Variants in GCNT1 observed in about 807,000 individuals in gnomAD.
GCNT1 encodes beta-1,3-galactosyl-O-glycosyl-glycoprotein beta-1,6-N-acetylglucosaminyltransferase.
A neutral mutation model predicts 26.2 loss-of-function variants in GCNT1; 16 were observed. The ratio of observed to expected loss-of-function variants is 0.61; its 90% CI spans 0.41 to 0.93. GCNT1 has a LOEUF of 0.93. Ranked by LOEUF, GCNT1 falls within the 40% of genes least tolerant of loss-of-function variation. GCNT1 has a pLI of 0.00. For missense variants in GCNT1, 477 were observed against 526.7 expected, an observed-to-expected ratio of 0.91 and a Z score of 0.92; for synonymous variants, 183 against 190.8, an observed-to-expected ratio of 0.96 and a Z score of 0.34.
At chr9:76,455,583 T>A (rs1220709218), upstream of GCNT1, among the ~76,000 whole-genome samples, 5 of 151,606 alleles carry the variant, frequency 3.3e-5, no homozygotes, top group African/African-American at 1.2e-4. Flanking sequence ...TCCCCTTACT[T>A]TTTTTTTAAT....
rs1825189254 is a variant in GCNT1 at position 76,504,705 on chromosome 9, G to C, written c.*1037G>C. The stretch of plus-strand genomic sequence containing the variant: ...AGGCTGTCGCTTATTGAATCCACTT[G>C]TGTCCAACCTCCCAGGATTGTTTTA... On this transcript the variant is annotated 3_prime_UTR_variant, in exon 4 of 4. Coordinates refer to ENST00000376730, the MANE Select transcript of GCNT1 (RefSeq NM_001490.5). 2.4e-6 allele frequency: 1 copy of C among 413,230 alleles called. No individual in the cohort carries two copies. Among genetic ancestry groups the C allele is most frequent in the African/African-American group, 2.1e-5 (1 of 48,630 alleles). The allele number at this position is 413,230 out of a possible 1,614,324, so 25.6% of individuals were successfully genotyped here.
At chr9:76,445,089 A>T (rs1823553624) in intron 1 of GCNT1, among the ~76,000 whole-genome samples, 1 of 152,228 alleles carries the variant, frequency 6.6e-6, no homozygotes, top group Non-Finnish European at 1.5e-5. Context: ...CTAAGGAGGA[A>T]GGCGTTCAAG....
At chr9:76,399,505 T>C in the GCNT1 span, 3 of 1,591,220 alleles carry the variant, frequency 1.9e-6, no homozygotes, top group Admixed American at 1.7e-5. Flanking sequence ...ACTGGAGCGC[T>C]CAGCCTGCCA....
chr9:76,402,282 ACT>A, the GCNT1 span, among the ~76,000 whole-genome samples: 2 of 152,070 alleles, frequency 1.3e-5, no homozygotes, highest in East Asian at 1.9e-4. Flanking sequence ...TTCCTTCAAC[ACT>A]CTCAACTACA....
At chr9:76,419,825 A>G (rs1823167294), upstream of GCNT1, 1 of 152,278 alleles carries the variant, frequency 6.6e-6, no homozygotes, top group Non-Finnish European at 1.5e-5. Context: ...AGCAGCCACC[A>G]CACAGTTGCT....
At chr9:76,479,926 G>C (rs1824374413) in intron 2 of GCNT1, among the ~76,000 whole-genome samples, 1 of 152,150 alleles carries the variant, frequency 6.6e-6, no homozygotes, top group African/African-American at 2.4e-5. Flanking sequence ...TGAAGTCCTT[G>C]CCCATGCCTG....
At chr9:76,450,673 T>C (rs1391870765) in intron 1 of GCNT1, among the ~76,000 whole-genome samples, 1 of 152,232 alleles carries the variant, frequency 6.6e-6, no homozygotes. Context: ...CATCTTTTTA[T>C]GTGGATTTCT....
chr9:76,475,977 A>G (rs982528259), intron 2 of GCNT1, among the ~76,000 whole-genome samples: 2 of 152,168 alleles, frequency 1.3e-5, no homozygotes, highest in East Asian at 1.9e-4. Flanking sequence ...AAGAGGGGCA[A>G]TCATTGTGGT....
intron 1 of GCNT1, among the ~76,000 whole-genome samples, chr9:76,433,235 T>C (rs1823361549): frequency 6.6e-6 from 1 of 152,150 alleles, no homozygotes. Context: ...CTGCCCCCTC[T>C]TCGGAGCTCA....
At chr9:76,497,462 C>T (rs1824939312) in intron 2 of GCNT1, among the ~76,000 whole-genome samples, 2 of 152,132 alleles carry the variant, frequency 1.3e-5, no homozygotes, top group African/African-American at 4.8e-5. Context: ...GATAAATAGA[C>T]AAAATCAAAA....
chr9:76,423,684 C>A (rs112348324), intron 1 of GCNT1, among the ~76,000 whole-genome samples: 2 of 152,290 alleles, frequency 1.3e-5, no homozygotes, highest in Non-Finnish European at 2.9e-5. Context: ...GATGATGTTA[C>A]GCTTTTTTTC....
At chr9:76,476,581 G>A (rs928127904) in intron 2 of GCNT1, among the ~76,000 whole-genome samples, 2 of 151,952 alleles carry the variant, frequency 1.3e-5, no homozygotes, top group Non-Finnish European at 2.9e-5. Context: ...TTTTCTGTAT[G>A]TATATATAAA....
chr9:76,450,411 CT>C (rs1823645884), intron 1 of GCNT1, among the ~76,000 whole-genome samples: 1 of 152,070 alleles, frequency 6.6e-6, no homozygotes, highest in African/African-American at 2.4e-5. Flanking sequence ...ATTCTGAAAT[CT>C]TTGTGTATTT....
chr9:76,505,316 G>C lies in GCNT1; in HGVS notation c.*1648G>C, dbSNP rs945048128. ...ACTTTTATCATCATTTGTAAATGTGGAAGTTGGTGGATTGCTGTGTTTTTG... is the reference window on the plus strand; with the variant it reads ...ACTTTTATCATCATTTGTAAATGTGCAAGTTGGTGGATTGCTGTGTTTTTG... On this transcript the variant is annotated 3_prime_UTR_variant, in exon 4 of 4. Transcript: ENST00000376730. 1 of 176,118 alleles carries C rather than the reference G, an allele frequency of 5.7e-6. No homozygotes were observed. Among genetic ancestry groups the C allele is most frequent in the Admixed American group, 6.4e-5 (1 of 15,516 alleles). The allele number at this position is 176,118 out of a possible 1,614,324, so 10.9% of individuals were successfully genotyped here.
Position 76,430,804 on chromosome 9 carries a change from C to A in GCNT1, n.38+10917C>A, listed in dbSNP as rs562378619. ...GCTCAAGTGATTCTTGTGCCTCAGG[C>A]CCCTGAGTAGCTGGGAATACAGGTG... On this transcript the variant is annotated intron_variant and non_coding_transcript_variant, in intron 1 of 3. Coordinates refer to the GCNT1 transcript ENST00000488136. Among the ~76,000 whole-genome samples the A allele has an allele frequency of 6.6e-4, 101 of 152,248 alleles. 1 individual carries two copies. The highest frequency in any genetic ancestry group is 2.4e-3 in the African/African-American group (101 of 41,556).
chr9:76,454,994 T>C (rs1049518385), upstream of GCNT1, among the ~76,000 whole-genome samples: 9 of 151,830 alleles, frequency 5.9e-5, no homozygotes, highest in Admixed American at 1.3e-4. Flanking sequence ...ATTACAGGCG[T>C]GCACCACCAC....
Position 76,505,996 on chromosome 9 carries a change from G to A in GCNT1, c.*2328G>A, listed in dbSNP as rs1200676446. The A allele has an allele frequency of 1.8e-5, 3 of 166,966 alleles. No individual in the cohort carries two copies. The highest frequency in any genetic ancestry group is 2.4e-5 in the African/African-American group (1 of 41,518). The allele number at this position is 166,966 out of a possible 1,614,324, so 10.3% of individuals were successfully genotyped here. On this transcript the variant is annotated 3_prime_UTR_variant, in exon 4 of 4. Coordinates refer to ENST00000376730, the MANE Select transcript of GCNT1 (RefSeq NM_001490.5). ...TTCAAACACTATCCCTAATGCCTGC[G>A]GCAGAATTTATATACGATCCATTCA... is the stretch of plus-strand genomic sequence containing the variant.
chr9:76,454,233 G>C, upstream of GCNT1, among the ~76,000 whole-genome samples: 1 of 151,470 alleles, frequency 6.6e-6, no homozygotes, highest in South Asian at 2.1e-4. Context: ...AAATTAGCTG[G>C]GCATGGTTGG....
At chr9:76,464,388 T>G (rs186533892) in intron 2 of GCNT1, among the ~76,000 whole-genome samples, 2 of 152,056 alleles carry the variant, frequency 1.3e-5, no homozygotes, top group Admixed American at 1.3e-4. Context: ...GAGTAATTTT[T>G]GTATTTTTAA....
Sources: gnomAD v4.1 joint callset for allele counts (sites outside exome capture counted in the v4.1 genomes callset) on GRCh38, gnomAD v4.1.1 for gene constraint, MANE v1.5 for transcripts, NCBI Gene and HGNC (gene_info 2026-07-23, HGNC 2026-07-21) for gene names.